TOMM20: variants seen among roughly 807,000 people sequenced by gnomAD.
TOMM20 encodes the protein mitochondrial import receptor subunit TOM20 homolog.
TOMM20 carries 10 observed loss-of-function variants against 22.1 expected under a neutral mutation model. The ratio of observed to expected loss-of-function variants is 0.45; its 90% CI spans 0.28 to 0.77. The LOEUF (loss-of-function observed/expected upper bound fraction) is 0.77. TOMM20 is among the 30% of genes least tolerant of loss of function. The pLI is 0.13. For missense variants in TOMM20, 121 were observed against 172.2 expected (o/e 0.70, Z 1.66); for synonymous variants, 55 against 61.4 (o/e 0.90, Z 0.49).
intron 3 of TOMM20, among the ~76,000 whole-genome samples, chr1:235,115,613 C>T (rs752316586): frequency 6.6e-6 from 1 of 151,920 alleles, no homozygotes; most frequent in Non-Finnish European, 1.5e-5. Context: ...GGCGACAGAG[C>T]GAGACTCTGT....
intron 3 of TOMM20, among the ~76,000 whole-genome samples, chr1:235,116,997 T>C (rs553591985): frequency 1.5e-4 from 23 of 150,274 alleles, no homozygotes; most frequent in South Asian, 6.3e-4. Flanking sequence ...TAGCCGGGCG[T>C]GGTGGTGGGC....
intron 2 of TOMM20, among the ~76,000 whole-genome samples, chr1:235,121,716 G>A (rs922730376): frequency 7.9e-5 from 12 of 152,146 alleles, no homozygotes; most frequent in African/African-American, 2.4e-4. Context: ...CAAGCACAAT[G>A]ATTAACATTT....
intron 2 of TOMM20, among the ~76,000 whole-genome samples, chr1:235,121,814 T>C (rs1425566857): frequency 6.6e-6 from 1 of 152,148 alleles, no homozygotes; most frequent in Admixed American, 6.6e-5. Context: ...GAACTCAGGA[T>C]CTATGAGAAG....
chr1:235,122,356 C>T lies in TOMM20; in HGVS notation c.138G>A (p.Lys46=). The part of the protein sequence containing the change: ...NRLRERRKKQ[K]LAKERAGLSK... ...AAAGCCCAGCTCTCTCCTTGGCAAG[C>T]TTCTGTTTCTTTCTTCCTGCAAGAA... The change falls in exon 2 of 5, where the codon AAG becomes AAA. Residue 46 remains lysine (K), a synonymous_variant. Coordinates refer to ENST00000366607, the MANE Select transcript of TOMM20 (RefSeq NM_014765.3). The T allele has an allele frequency of 6.4e-7, 1 of 1,569,976 alleles. No homozygotes were observed. The highest frequency in any genetic ancestry group is 8.6e-7 in the Non-Finnish European group (1 of 1,160,628).
In TOMM20 at chr1:235,128,659, C is replaced by G; in HGVS notation, c.57G>C (p.Gly19=). 2 of 1,614,042 alleles carry G rather than the reference C, an allele frequency of 1.2e-6. No individual in the cohort carries two copies. The highest frequency in any genetic ancestry group is 1.7e-6 in the Non-Finnish European group (2 of 1,179,970). The part of the protein sequence containing the change: ...AAGVCGALFI[G]YCIYFDRKRR... ...TTTTGCGGTCGAAGTAGATGCAGTA[C>G]CCAATGAAAAGGGCCCCGCATACAC... Residue 19 remains glycine, a synonymous_variant, in exon 1 of 5, where the codon GGG becomes GGC. Coordinates refer to ENST00000366607, the MANE Select transcript of TOMM20 (RefSeq NM_014765.3).
intron 1 of TOMM20, chr1:235,127,830 A>G (rs745423718): frequency 3.1e-5 from 16 of 518,934 alleles, no homozygotes; most frequent in South Asian, 1.7e-4. Context: ...AATAAGACTG[A>G]GCCACGGGAG....
chr1:235,116,706 A>G (rs10925776), intron 3 of TOMM20, among the ~76,000 whole-genome samples: 109,889 of 151,898 alleles, frequency 0.72, 40,418 homozygotes, highest in African/African-American at 0.84. Flanking sequence ...ATGAGATGCC[A>G]TCTCAAAAAC....
At chr1:235,126,143 G>T (rs1451081974) in intron 1 of TOMM20, among the ~76,000 whole-genome samples, 2 of 150,378 alleles carry the variant, frequency 1.3e-5, no homozygotes, top group Admixed American at 1.3e-4. Flanking sequence ...ACACACACAC[G>T]TATATTTTGG....
chr1:235,128,769 T>TG lies in TOMM20; in HGVS notation c.-55dup, dbSNP rs1353608891. 6.2e-7 allele frequency: 1 copy of TG among 1,610,288 alleles called. No individual in the cohort carries two copies. The highest frequency in any genetic ancestry group is 8.5e-7 in the Non-Finnish European group (1 of 1,178,840). The stretch of plus-strand genomic sequence containing the variant: ...GGCGGCAGGGACCGCGAAGGAGCGG[T>TG]GGGCCACGAACCCTCAGAGCGGTCG... On this transcript the variant is annotated 5_prime_UTR_variant, in exon 1 of 5. Transcript: ENST00000366607.
chr1:235,128,808 C>G lies in TOMM20; in HGVS notation c.-93G>C. On this transcript the variant is annotated 5_prime_UTR_variant, in exon 1 of 5. Coordinates refer to ENST00000366607, the MANE Select transcript of TOMM20 (RefSeq NM_014765.3). ...TCAGAGCGGTCGGCGCAGCTCACAC[C>G]CGACGGCCGCGGGCCAGGAACACAG... 2 of 1,566,698 alleles carry G rather than the reference C, an allele frequency of 1.3e-6. No homozygotes were observed. The highest frequency in any genetic ancestry group is 1.1e-5 in the South Asian group (1 of 87,482).
intron 1 of TOMM20, among the ~76,000 whole-genome samples, chr1:235,125,253 C>CGCCCAGGCGGGA (rs1660991441): frequency 2.0e-5 from 3 of 152,196 alleles, no homozygotes; most frequent in Middle Eastern, 3.4e-3. Flanking sequence ...CTCGCTTTGT[C>CGCCCAGGCGGGA]GCCCAGGCGG....
chr1:235,122,002 T>C (rs959699543), intron 2 of TOMM20, among the ~76,000 whole-genome samples: 13 of 152,208 alleles, frequency 8.5e-5, no homozygotes, highest in Admixed American at 8.5e-4. Flanking sequence ...AAGTGTAATA[T>C]TGTATCATTT....
At chr1:235,127,711 C>T in intron 1 of TOMM20, 1 of 354,912 alleles carries the variant, frequency 2.8e-6, no homozygotes, top group South Asian at 2.3e-5. Context: ...CAAATTTGCT[C>T]TTCAATGATG....
intron 1 of TOMM20, 48 bp downstream of exon 1, chr1:235,128,547 G>T (rs779459332): frequency 6.2e-7 from 1 of 1,610,738 alleles, no homozygotes; most frequent in East Asian, 2.2e-5. Context: ...TGTGAAGGGC[G>T]GCGGCCGAAG....
chr1:235,127,679 CA>C (rs1661047720), intron 1 of TOMM20: 2 of 374,902 alleles, frequency 5.3e-6, no homozygotes, highest in Admixed American at 3.1e-5. Context: ...CAAGATAAGC[CA>C]AAAAATATTT....
chr1:235,119,789 C>T, intron 3 of TOMM20, 29 bp downstream of exon 3: 1 of 1,485,272 alleles, frequency 6.7e-7, no homozygotes, highest in Non-Finnish European at 9.2e-7. Context: ...AAATTCTACC[C>T]ATTTCCTTAG....
intron 1 of TOMM20, among the ~76,000 whole-genome samples, chr1:235,123,045 T>C (rs1377363828): frequency 6.6e-6 from 1 of 152,224 alleles, no homozygotes; most frequent in East Asian, 1.9e-4. Context: ...TAATACTTAT[T>C]AGCTGGGTGA....
intron 3 of TOMM20, among the ~76,000 whole-genome samples, chr1:235,116,902 A>C (rs80047774): frequency 3.3e-5 from 5 of 151,928 alleles, no homozygotes; most frequent in Non-Finnish European, 5.9e-5. Flanking sequence ...TTGGGAGGCC[A>C]AGGCGGGCGG....
At chr1:235,116,900 C>T (rs944608714) in intron 3 of TOMM20, among the ~76,000 whole-genome samples, 10 of 151,984 alleles carry the variant, frequency 6.6e-5, no homozygotes, top group Non-Finnish European at 2.9e-5. Context: ...CTTTGGGAGG[C>T]CAAGGCGGGC....
Sources: allele counts gnomAD v4.1 joint callset (sites outside exome capture counted in the v4.1 genomes callset), GRCh38; gene constraint gnomAD v4.1.1; transcripts MANE v1.5; gene names NCBI Gene and HGNC (gene_info 2026-07-23, HGNC 2026-07-21).